The following KCNIP4 variants were observed in gnomAD, a reference collection of about 807,000 sequenced individuals.
KCNIP4 encodes the protein Kv channel-interacting protein 4.
A neutral mutation model predicts 34.0 loss-of-function variants in KCNIP4; 12 were observed. That is an observed-to-expected ratio of 0.35 (90% CI 0.23 to 0.57). The LOEUF (loss-of-function observed/expected upper bound fraction) is 0.57, where lower values mean the gene tolerates loss of function less well. KCNIP4 is among the 20% of genes least tolerant of loss of function. KCNIP4 has a pLI of 0.83. For synonymous variants in KCNIP4, 124 were observed against 102.2 expected (o/e 1.21, Z -1.29); for missense variants, 238 against 311.7 (o/e 0.76, Z 1.78).
At chr4:21,258,057 T>C (rs1761196190) in intron 1 of KCNIP4, among the ~76,000 whole-genome samples, 1 of 152,198 alleles carries the variant, frequency 6.6e-6, no homozygotes, top group Non-Finnish European at 1.5e-5. Context: ...TATGTAACTA[T>C]GGTTAACAGC....
intron 2 of KCNIP4, among the ~76,000 whole-genome samples, chr4:20,869,998 G>A (rs1257355521): frequency 6.6e-6 from 1 of 151,994 alleles, no homozygotes; most frequent in African/African-American, 2.4e-5. Context: ...TAAAATAGTG[G>A]CTGGCACATA....
chr4:21,288,375 G>C (rs1158917259), intron 1 of KCNIP4, among the ~76,000 whole-genome samples: 1 of 152,046 alleles, frequency 6.6e-6, no homozygotes, highest in African/African-American at 2.4e-5. Context: ...AAAGGAGAAT[G>C]AAACTAAAAC....
chr4:20,939,864 T>A (rs1731462402), intron 1 of KCNIP4, among the ~76,000 whole-genome samples: 1 of 152,152 alleles, frequency 6.6e-6, no homozygotes, highest in Non-Finnish European at 1.5e-5. Flanking sequence ...TTCCACTTCA[T>A]CCAAAGACCA....
chr4:21,445,593 C>T (rs546659110), intron 1 of KCNIP4, among the ~76,000 whole-genome samples: 4 of 152,154 alleles, frequency 2.6e-5, no homozygotes, highest in Non-Finnish European at 5.9e-5. Flanking sequence ...GAAACTGGAT[C>T]CCTTCCTTAC....
chr4:20,894,890 A>G (rs1380307854), intron 1 of KCNIP4, among the ~76,000 whole-genome samples: 2 of 152,222 alleles, frequency 1.3e-5, no homozygotes, highest in East Asian at 1.9e-4. Context: ...TGCTCTAACA[A>G]CAATAAGAAC....
At chr4:21,425,726 T>C (rs1447471541) in intron 1 of KCNIP4, among the ~76,000 whole-genome samples, 1 of 152,130 alleles carries the variant, frequency 6.6e-6, no homozygotes, top group Non-Finnish European at 1.5e-5. Flanking sequence ...TCAAACACAT[T>C]TGCCTTCACT....
At chr4:21,641,566 A>C (rs1345023028) in intron 1 of KCNIP4, among the ~76,000 whole-genome samples, 2 of 152,180 alleles carry the variant, frequency 1.3e-5, no homozygotes, top group Non-Finnish European at 2.9e-5. Context: ...GGTTCAAGGA[A>C]GTTTGGGGAT....
chr4:21,500,156 A>G (rs1733194956), intron 1 of KCNIP4, among the ~76,000 whole-genome samples: 1 of 152,170 alleles, frequency 6.6e-6, no homozygotes, highest in African/African-American at 2.4e-5. Flanking sequence ...AATAAAATCA[A>G]CTAAAGTTAT....
chr4:21,166,442 G>A (rs1302124829), intron 1 of KCNIP4, among the ~76,000 whole-genome samples: 2 of 152,152 alleles, frequency 1.3e-5, no homozygotes. Context: ...TGACAGGAAT[G>A]CTCACAAGTG....
At chr4:21,044,437 A>G (rs10014960) in intron 1 of KCNIP4, among the ~76,000 whole-genome samples, 4,190 of 151,956 alleles carry the variant, frequency 0.028, 166 homozygotes, top group African/African-American at 0.095. Context: ...TCAGCCTCCC[A>G]AGTAGCTGGG....
At chr4:20,800,163 G>A (rs193270347) in intron 3 of KCNIP4, among the ~76,000 whole-genome samples, 2 of 152,324 alleles carry the variant, frequency 1.3e-5, no homozygotes, top group East Asian at 3.9e-4. Context: ...ACCAAGGTAT[G>A]TCAGTCATCA....
At chr4:21,680,760 T>C (rs1750284006) in intron 1 of KCNIP4, among the ~76,000 whole-genome samples, 1 of 152,168 alleles carries the variant, frequency 6.6e-6, no homozygotes, top group African/African-American at 2.4e-5. Context: ...ATTTTGAAAG[T>C]AATCATTTTT....
At chr4:20,737,157 G>C (rs1417117063) in intron 5 of KCNIP4, among the ~76,000 whole-genome samples, 1 of 152,166 alleles carries the variant, frequency 6.6e-6, no homozygotes, top group Non-Finnish European at 1.5e-5. Context: ...AGAAAAACAA[G>C]ATTCCAGAGA....
chr4:21,021,799 C>T (rs1037885113), intron 1 of KCNIP4, among the ~76,000 whole-genome samples: 15 of 151,184 alleles, frequency 9.9e-5, no homozygotes, highest in Non-Finnish European at 2.1e-4. Flanking sequence ...ACAGTTACCT[C>T]CCTTTTGAAA....
intron 1 of KCNIP4, among the ~76,000 whole-genome samples, chr4:21,358,721 G>A (rs1718914716): frequency 6.6e-6 from 1 of 152,102 alleles, no homozygotes; most frequent in Non-Finnish European, 1.5e-5. Flanking sequence ...ACTGCTTAGG[G>A]CAAGCATACC....
At chr4:21,277,708 A>G (rs1440618872) in intron 1 of KCNIP4, among the ~76,000 whole-genome samples, 1 of 152,224 alleles carries the variant, frequency 6.6e-6, no homozygotes, top group Admixed American at 6.5e-5. Flanking sequence ...GAATTTACAG[A>G]AAGACAAAGC....
chr4:21,714,787 T>TC (rs147076758), intron 1 of KCNIP4, among the ~76,000 whole-genome samples: 1 of 12,022 alleles, frequency 8.3e-5, no homozygotes, highest in Non-Finnish European at 1.8e-4. Flanking sequence ...TTCCCTTTGA[T>TC]TATTTTATTT....
At chr4:21,153,440 T>A (rs1020916255) in intron 1 of KCNIP4, among the ~76,000 whole-genome samples, 5 of 150,386 alleles carry the variant, frequency 3.3e-5, no homozygotes, top group African/African-American at 9.7e-5. Context: ...GTTAATTCTC[T>A]CTCTGTCCCT....
chr4:20,778,876 A>T (rs1756605189), intron 3 of KCNIP4, among the ~76,000 whole-genome samples: 1 of 152,160 alleles, frequency 6.6e-6, no homozygotes, highest in Non-Finnish European at 1.5e-5. Flanking sequence ...TGTGCATGTA[A>T]AAGTTGTTGT....
Sources: gnomAD v4.1 joint callset for allele counts (sites outside exome capture counted in the v4.1 genomes callset) on GRCh38, gnomAD v4.1.1 for gene constraint, MANE v1.5 for transcripts, NCBI Gene and HGNC (gene_info 2026-07-23, HGNC 2026-07-21) for gene names.